The following USP48 variants were observed in gnomAD, a reference collection of about 807,000 sequenced individuals.
USP48 encodes the protein ubiquitin carboxyl-terminal hydrolase 48.
In USP48, 43 loss-of-function variants were observed where a neutral mutation model predicts 150.7. That is an observed-to-expected ratio of 0.29 (90% CI 0.22 to 0.37). The LOEUF (loss-of-function observed/expected upper bound fraction) is 0.37, where lower values mean the gene tolerates loss of function less well. Among genes scored for constraint, USP48 ranks in the 10% least tolerant of loss-of-function variants. USP48 has a pLI of 1.00. For missense variants in USP48, 813 were observed against 1,249.6 expected (o/e 0.65, Z 5.27); for synonymous variants, 396 against 425.9 (o/e 0.93, Z 0.86).
At chr1:21,728,338 T>G in intron 11 of USP48, 1 of 1,280,906 alleles carries the variant, frequency 7.8e-7, no homozygotes, top group East Asian at 3.1e-5. Context: ...CTGACCTAAA[T>G]GTTATAATTT....
intron 8 of USP48, among the ~76,000 whole-genome samples, chr1:21,746,274 T>C (rs1018252976): frequency 6.6e-6 from 1 of 152,098 alleles, no homozygotes; most frequent in African/African-American, 2.4e-5. Context: ...TCAAGGCAGG[T>C]GTCCCACTTG....
At chr1:21,696,769 T>C (rs76453715) in intron 22 of USP48, among the ~76,000 whole-genome samples, 2,794 of 151,858 alleles carry the variant, frequency 0.018, 33 homozygotes, top group Middle Eastern at 0.045. Context: ...AAGAAAAAAA[T>C]AGATGAGGAC....
intron 26 of USP48, among the ~76,000 whole-genome samples, 199 bp downstream of exon 26, chr1:21,680,609 G>C (rs1391310873): frequency 6.6e-6 from 1 of 152,190 alleles, no homozygotes; most frequent in African/African-American, 2.4e-5. Flanking sequence ...AAAAGCCCCA[G>C]CTGAGGCCCC....
chr1:21,684,722 A>G (rs1228839631), intron 25 of USP48, among the ~76,000 whole-genome samples: 1 of 152,230 alleles, frequency 6.6e-6, no homozygotes, highest in African/African-American at 2.4e-5. Context: ...ATTTTAATAT[A>G]TAGTGAGAGA....
chr1:21,690,109 T>C lies in USP48; in HGVS notation c.2884-10A>G. ...AAAATGCATGCATGATCTGTGCCAATATAAAAGAGAGAAAGTCCGTATAAT... is the reference window on the plus strand; with the variant it reads ...AAAATGCATGCATGATCTGTGCCAACATAAAAGAGAGAAAGTCCGTATAAT... On this transcript the variant is annotated splice_polypyrimidine_tract_variant and intron_variant, in intron 23 of 26. Transcript: ENST00000308271. 1 of 1,608,096 alleles carries C rather than the reference T, an allele frequency of 6.2e-7. No homozygotes were observed. Among genetic ancestry groups the C allele is most frequent in the Non-Finnish European group, 8.5e-7 (1 of 1,177,310 alleles).
intron 13 of USP48, 122 bp downstream of exon 13, chr1:21,721,528 C>T (rs764065977): frequency 1.3e-5 from 9 of 714,260 alleles, no homozygotes; most frequent in African/African-American, 3.6e-5. Context: ...CTCTACCATC[C>T]ACTTTATCAC....
chr1:21,683,779 C>T lies in USP48; in HGVS notation c.3059-2945G>A, dbSNP rs1388812538. Among the ~76,000 whole-genome samples, 18 of 152,106 alleles carry T rather than the reference C, an allele frequency of 1.2e-4. 1 individual carries two copies. The highest frequency in any genetic ancestry group is 1.2e-3 in the Admixed American group (18 of 15,272). ...AAATTGTATGTTTGTACCCATTAAC[C>T]AACCTCCCTTCATATGGCCCCTTTC... On this transcript the variant is annotated intron_variant, in intron 25 of 26. Coordinates refer to ENST00000308271, the MANE Select transcript of USP48 (RefSeq NM_032236.8).
In USP48 at chr1:21,765,901, C is replaced by CA. The variant is rs199539331; in HGVS notation, c.135-8119dup. ...GGGCAACAAAGTGAGACTCCATCTCCAAAAAAAAAAAAAAAAAAAAAAAAA... is the reference window on the plus strand; with the variant it reads ...GGGCAACAAAGTGAGACTCCATCTCCAAAAAAAAAAAAAAAAAAAAAAAAAA... On this transcript the variant is annotated intron_variant, in intron 1 of 26. Coordinates refer to ENST00000308271, the MANE Select transcript of USP48 (RefSeq NM_032236.8). Among the ~76,000 whole-genome samples, 38 of 112,146 alleles carry CA rather than the reference C, an allele frequency of 3.4e-4. 3 individuals carry two copies. The highest frequency in any genetic ancestry group is 1.3e-3 in the African/African-American group (32 of 24,338). 73.6% of individuals were successfully genotyped at this position (112,146 alleles called of 152,430 possible). A position where few individuals can be genotyped will look rare whatever the true frequency, so the allele number is the denominator to read the frequency against.
rs576041550 is a variant in USP48, at chr1:21,681,183, G to A, written c.3059-349C>T. 8.6e-4 allele frequency: 159 copies of A among 184,412 alleles called. 1 individual carries two copies. Among genetic ancestry groups the A allele is most frequent in the Middle Eastern group, 4.4e-3 (2 of 458 alleles). The allele number at this position is 184,412 out of a possible 1,614,324, so 11.4% of individuals were successfully genotyped here. On this transcript the variant is annotated intron_variant, in intron 25 of 26. Transcript: ENST00000308271. ...CTTCCTCCTCCCATTCCCAAGTTCT[G>A]GAAGGAGTCACTTTTGACTCACACA...
At chr1:21,757,574 G>C in intron 2 of USP48, 89 bp downstream of exon 2, 2 of 1,442,336 alleles carry the variant, frequency 1.4e-6, no homozygotes, top group Non-Finnish European at 1.9e-6. Context: ...CCTGAAATCA[G>C]TAGAGTTTTC....
At chr1:21,738,539 G>A (rs2097773907) in intron 8 of USP48, among the ~76,000 whole-genome samples, 1 of 151,288 alleles carries the variant, frequency 6.6e-6, no homozygotes, top group Non-Finnish European at 1.5e-5. Flanking sequence ...TGTATTTTTA[G>A]TAGAGATGGG....
intron 22 of USP48, among the ~76,000 whole-genome samples, chr1:21,696,499 T>C (rs901803790): frequency 3.9e-5 from 6 of 152,184 alleles, no homozygotes; most frequent in Non-Finnish European, 8.8e-5. Flanking sequence ...TTCCAAATTC[T>C]AAGTCTAAAG....
At chr1:21,770,526 G>A (rs2097876667) in intron 1 of USP48, among the ~76,000 whole-genome samples, 2 of 144,544 alleles carry the variant, frequency 1.4e-5, no homozygotes, top group Admixed American at 7.1e-5. Flanking sequence ...CTGTTGCCCA[G>A]GCTGGAGTGC....
At chr1:21,689,913 T>A in intron 24 of USP48, 61 bp downstream of exon 24, 1 of 1,596,192 alleles carries the variant, frequency 6.3e-7, no homozygotes, top group Non-Finnish European at 8.6e-7. Flanking sequence ...TCACACAGTT[T>A]ACACATAGTT....
chr1:21,774,709 T>C (rs1411281603), intron 1 of USP48, among the ~76,000 whole-genome samples: 1 of 149,668 alleles, frequency 6.7e-6, no homozygotes, highest in Non-Finnish European at 1.5e-5. Flanking sequence ...GAAAAAAGAA[T>C]AGCCAGGTGC....
chr1:21,695,957 CATAAAA>C (rs1273200233), intron 22 of USP48, among the ~76,000 whole-genome samples: 30 of 152,118 alleles, frequency 2.0e-4, no homozygotes, highest in Admixed American at 9.2e-4. Context: ...CAGACTCACT[CATAAAA>C]TATTCTTGCA....
At chr1:21,762,909 A>C (rs2097853449) in intron 1 of USP48, among the ~76,000 whole-genome samples, 1 of 151,740 alleles carries the variant, frequency 6.6e-6, no homozygotes, top group Middle Eastern at 3.4e-3. Flanking sequence ...CTGGCTGGGG[A>C]AACAGATACT....
chr1:21,734,276 G>C (rs112943751), intron 9 of USP48, among the ~76,000 whole-genome samples: 1 of 152,132 alleles, frequency 6.6e-6, no homozygotes, highest in Non-Finnish European at 1.5e-5. Context: ...GATCACACCT[G>C]TGGTCTCAGT....
At chr1:21,761,262 A>G (rs1162460985) in intron 1 of USP48, among the ~76,000 whole-genome samples, 2 of 151,858 alleles carry the variant, frequency 1.3e-5, no homozygotes, top group African/African-American at 2.4e-5. Context: ...CTTGCCAGCT[A>G]TAAGTCAGAA....
Sources: gnomAD v4.1 joint callset for allele counts (sites outside exome capture counted in the v4.1 genomes callset) on GRCh38, gnomAD v4.1.1 for gene constraint, MANE v1.5 for transcripts, NCBI Gene and HGNC (gene_info 2026-07-23, HGNC 2026-07-21) for gene names.